BEST3: variants seen among roughly 807,000 people sequenced by gnomAD.
The protein encoded by BEST3 is bestrophin 3, also known as bestrophin-3.
BEST3 carries 50 observed loss-of-function variants against 47.1 expected under a neutral mutation model. That is an observed-to-expected ratio of 1.06 (90% confidence interval 0.85 to 1.34). BEST3 has a LOEUF of 1.34. BEST3 is among the 40% of genes most tolerant of loss of function. The pLI is 0.00. For missense variants in BEST3, 765 were observed against 817.0 expected, an observed-to-expected ratio of 0.94 and a Z score of 0.78; for synonymous variants, 282 against 298.8, an observed-to-expected ratio of 0.94 and a Z score of 0.58.
Position 69,653,707 on chromosome 12 carries a change from T to G in BEST3, c.*1200A>C, listed in dbSNP as rs1255705390. On this transcript the variant is annotated 3_prime_UTR_variant, in exon 10 of 10. Coordinates refer to ENST00000330891, the MANE Select transcript of BEST3 (RefSeq NM_032735.3). The stretch of plus-strand genomic sequence containing the variant: ...CAGTCGTAAGGCATGGCCTAGGCAC[T>G]TGGGAGCCCACGACAAACAGCTGTC... 2 of 985,306 alleles carry G rather than the reference T, an allele frequency of 2.0e-6. No individual in the cohort carries two copies. The highest frequency in any genetic ancestry group is 6.2e-5 in the Admixed American group (1 of 16,260). The allele number at this position is 985,306 out of a possible 1,614,324, so 61.0% of individuals were successfully genotyped here.
At chr12:69,697,378 C>A (rs983236503) in intron 2 of BEST3, among the ~76,000 whole-genome samples, 6 of 152,110 alleles carry the variant, frequency 3.9e-5, no homozygotes, top group African/African-American at 1.4e-4. Context: ...ATAATCCTTC[C>A]ATTTTGTGCC....
In BEST3 at chr12:69,654,890, C is replaced by G. The variant is rs774237317; in HGVS notation, c.*17G>C. Reference sequence around the variant, plus strand: ...TAAGAATCTAGGCTAGAACCAGGTCCTAGAACTTGGTGGCACTCATTTGGG... The same window carrying G: ...TAAGAATCTAGGCTAGAACCAGGTCGTAGAACTTGGTGGCACTCATTTGGG... On this transcript the variant is annotated 3_prime_UTR_variant, in exon 10 of 10. Transcript: ENST00000330891. 6.3e-7 allele frequency: 1 copy of G among 1,599,110 alleles called. No individual in the cohort carries two copies. The highest frequency in any genetic ancestry group is 8.5e-7 in the Non-Finnish European group (1 of 1,171,158).
chr12:69,696,620 A>T (rs1391768380), intron 2 of BEST3, among the ~76,000 whole-genome samples: 1 of 152,136 alleles, frequency 6.6e-6, no homozygotes, highest in Non-Finnish European at 1.5e-5. Context: ...ACTTGCTTGG[A>T]AGGGTTGTTT....
At chr12:69,697,949 A>G (rs1886195783) in intron 1 of BEST3, 136 bp from the exon 2 acceptor site, 2 of 665,454 alleles carry the variant, frequency 3.0e-6, no homozygotes, top group Non-Finnish European at 4.8e-6. Context: ...CTTAGTTTCT[A>G]TAATTCGGAA....
intron 9 of BEST3, chr12:69,660,410 C>T (rs1377917972): frequency 6.6e-6 from 1 of 152,080 alleles, no homozygotes; most frequent in African/African-American, 2.4e-5. Flanking sequence ...CTTAACAACA[C>T]CTTCAAAAGG....
At chr12:69,695,933 A>G (rs1183255205) in intron 2 of BEST3, among the ~76,000 whole-genome samples, 4 of 152,216 alleles carry the variant, frequency 2.6e-5, no homozygotes, top group Non-Finnish European at 5.9e-5. Context: ...TTTAATAGCT[A>G]GAAAGTATTT....
At chr12:69,680,853 T>G (rs1885215616) in intron 4 of BEST3, among the ~76,000 whole-genome samples, 1 of 152,124 alleles carries the variant, frequency 6.6e-6, no homozygotes, top group Non-Finnish European at 1.5e-5. Flanking sequence ...CTTCTATTTT[T>G]CAGGTATATC....
Position 69,693,700 on chromosome 12 carries a change from G to A in BEST3, c.455C>T (p.Pro152Leu). 3 of 1,612,584 alleles carry A rather than the reference G, an allele frequency of 1.9e-6. No individual in the cohort carries two copies. Among genetic ancestry groups the A allele is most frequent in the Non-Finnish European group, 2.5e-6 (3 of 1,178,712 alleles). ...SVSTAVYKRF[P>L]TMDHVVEAGF... Reference sequence around the variant, plus strand: ...TGCTTCAACCACGTGGTCCATTGTGGGAAATCTTTTGTACACAGCAGTGCT... The same window carrying A: ...TGCTTCAACCACGTGGTCCATTGTGAGAAATCTTTTGTACACAGCAGTGCT... Residue 152 changes from proline (P) to leucine (L), a missense_variant, in exon 4 of 10, where the codon CCC becomes CTC. Coordinates refer to ENST00000330891, the MANE Select transcript of BEST3 (RefSeq NM_032735.3).
chr12:69,679,279 T>C (rs1011878285), intron 4 of BEST3, among the ~76,000 whole-genome samples: 3 of 152,212 alleles, frequency 2.0e-5, no homozygotes, highest in African/African-American at 7.2e-5. Flanking sequence ...TATGATAACG[T>C]ATATAAAGCA....
intron 4 of BEST3, among the ~76,000 whole-genome samples, chr12:69,679,427 A>G (rs1012907422): frequency 3.3e-5 from 5 of 152,172 alleles, no homozygotes; most frequent in African/African-American, 4.8e-5. Flanking sequence ...TCTTCCCTTT[A>G]AAGTTCCCAC....
rs117505973 is a variant in BEST3, at chr12:69,693,761, C to T, written c.394G>A (p.Val132Ile). ...AAGATGAGCAGGGAGGTGAGATTGA[C>T]GTAGCGCATCAGCGTCCTTCTAAGC... ...RLLRRTLMRY[V>I]NLTSLLIFRS... The change falls in exon 4 of 10, where the codon GTC becomes ATC. Residue 132 changes from valine to isoleucine, a missense_variant. Physicochemically the swap from Val to Ile is conservative, Grantham distance 29. Transcript: ENST00000330891. 93 of 1,614,140 alleles carry T rather than the reference C, an allele frequency of 5.8e-5. No individual in the cohort carries two copies. Among genetic ancestry groups the T allele is most frequent in the Non-Finnish European group, 7.3e-5 (86 of 1,180,034 alleles).
chr12:69,698,679 A>G (rs560249445), intron 1 of BEST3, among the ~76,000 whole-genome samples: 120 of 152,366 alleles, frequency 7.9e-4, no homozygotes, highest in Admixed American at 2.7e-3. Context: ...CAAAAAATAA[A>G]TTCTGTAGCA....
At chr12:69,690,992 T>C (rs1885903620) in intron 4 of BEST3, among the ~76,000 whole-genome samples, 1 of 152,166 alleles carries the variant, frequency 6.6e-6, no homozygotes, top group Non-Finnish European at 1.5e-5. Context: ...TGGCACCCAT[T>C]ACTTTCTCAT....
rs1268495052 is a variant in BEST3 at position 69,697,744 on chromosome 12, T to C, written c.55A>G (p.Arg19Gly). The C allele has an allele frequency of 6.2e-7, 1 of 1,613,148 alleles. No individual in the cohort carries two copies. Among genetic ancestry groups the C allele is most frequent in the Middle Eastern group, 1.7e-4 (1 of 6,050 alleles). The change falls in exon 2 of 10, where the codon AGG becomes GGG. Residue 19 changes from arginine to glycine, a missense_variant. Coordinates refer to ENST00000330891, the MANE Select transcript of BEST3 (RefSeq NM_032735.3). ...VANATFFGFH[R>G]LLLKWRGSIY... Reference sequence around the variant, plus strand: ...CTGCCTCTCCACTTGAGGAGTAACCTATGAAATCCAAAAAAAGTTGCATTT... The same window carrying C: ...CTGCCTCTCCACTTGAGGAGTAACCCATGAAATCCAAAAAAAGTTGCATTT...
chr12:69,649,374 G>A (rs1883140532), downstream of BEST3, among the ~76,000 whole-genome samples: 1 of 152,242 alleles, frequency 6.6e-6, no homozygotes, highest in Admixed American at 6.5e-5. Flanking sequence ...TACTCTTACT[G>A]GTAGGAGCCA....
chr12:69,662,913 C>A lies in BEST3; in HGVS notation c.1101-7100G>T, dbSNP rs184062185. On this transcript the variant is annotated intron_variant, in intron 9 of 9. Coordinates refer to ENST00000330891, the MANE Select transcript of BEST3 (RefSeq NM_032735.3). ...ATTAGCAAGACAGTTAGAGCAAGCACTCTGGACACACTTGAGTGATCCATT... is the reference window on the plus strand; with the variant it reads ...ATTAGCAAGACAGTTAGAGCAAGCAATCTGGACACACTTGAGTGATCCATT... Among the ~76,000 whole-genome samples, 240 of 152,346 alleles carry A rather than the reference C, an allele frequency of 1.6e-3. 2 individuals are homozygous for A. The highest frequency in any genetic ancestry group is 5.7e-3 in the African/African-American group (235 of 41,578).
At chr12:69,671,703 G>A (rs1363997833) in intron 8 of BEST3, 124 bp from the exon 9 acceptor site, 13 of 846,012 alleles carry the variant, frequency 1.5e-5, no homozygotes, top group Middle Eastern at 3.1e-4. Context: ...ATATACAAAT[G>A]TCTGTAGTTC....
intron 9 of BEST3, among the ~76,000 whole-genome samples, chr12:69,644,862 T>C (rs1882982249): frequency 6.6e-6 from 1 of 152,218 alleles, no homozygotes; most frequent in Non-Finnish European, 1.5e-5. Context: ...TAAAATAGTA[T>C]TTTTAGTATA....
At chr12:69,677,555 AG>A in intron 5 of BEST3, among the ~76,000 whole-genome samples, 1 of 152,334 alleles carries the variant, frequency 6.6e-6, no homozygotes, top group East Asian at 1.9e-4. Flanking sequence ...CCGAGGCAGG[AG>A]GATCTCTTGA....
Sources: allele counts gnomAD v4.1 joint callset (sites outside exome capture counted in the v4.1 genomes callset), GRCh38; gene constraint gnomAD v4.1.1; transcripts MANE v1.5; gene names NCBI Gene and HGNC (gene_info 2026-07-23, HGNC 2026-07-21).